The following CPEB3 variants were observed in gnomAD, a reference collection of about 807,000 sequenced individuals.
The protein encoded by CPEB3 is cytoplasmic polyadenylation element binding protein 3.
CPEB3 carries 20 observed loss-of-function variants against 67.2 expected under a neutral mutation model. The ratio of observed to expected loss-of-function variants is 0.30; its 90% CI spans 0.21 to 0.43. The LOEUF (loss-of-function observed/expected upper bound fraction) is 0.43, where lower values mean the gene tolerates loss of function less well. CPEB3 is among the 20% of genes least tolerant of loss of function. CPEB3 has a pLI of 1.00. For missense variants in CPEB3, 746 were observed against 968.6 expected (o/e 0.77, Z 3.05); for synonymous variants, 376 against 393.1 (o/e 0.96, Z 0.51).
chr10:92,239,894 G>C lies in CPEB3; in HGVS notation c.457C>G (p.Pro153Ala). Residue 153 changes from proline (P) to alanine (A), a missense_variant, in exon 2 of 10, where the codon CCG becomes GCG. Physicochemically the swap from Pro to Ala is conservative, Grantham distance 27. Coordinates refer to ENST00000265997, the MANE Select transcript of CPEB3 (RefSeq NM_014912.5). The surrounding 1 kb of genome is among the most constrained non-coding windows in gnomAD (Gnocchi z 6.0). ...TGGGTCTGCGCCAGGCCGATCTGCG[G>C]GGAGAAAGTGCCTCCGAAGACTGGG... ...VNPVFGGTFS[P>A]QIGLAQTQHH... 1.9e-6 allele frequency: 3 copies of C among 1,612,596 alleles called. No individual in the cohort carries two copies. The highest frequency in any genetic ancestry group is 2.5e-6 in the Non-Finnish European group (3 of 1,179,326).
intron 8 of CPEB3, among the ~76,000 whole-genome samples, chr10:92,082,464 G>C (rs1004381637): frequency 1.3e-5 from 2 of 152,072 alleles, no homozygotes; most frequent in African/African-American, 4.8e-5. Context: ...ATTTTTAGTA[G>C]AGATGGGGTT....
Position 92,286,880 on chromosome 10 carries a change from CAT to C in CPEB3, c.-12+4044_-12+4045del, listed in dbSNP as rs1168045146. Among the ~76,000 whole-genome samples the C allele has an allele frequency of 2.6e-5, 4 of 152,184 alleles. No individual in the cohort carries two copies. The East Asian group carries it at 7.7e-4, about 29-fold the overall frequency. On this transcript the variant is annotated intron_variant, in intron 1 of 9. Coordinates refer to ENST00000265997, the MANE Select transcript of CPEB3 (RefSeq NM_014912.5). ...TGGTATATTATTTTAAATTTTCTGA[CAT>C]ATTTAGAGCAGCTCATACTCAGTTA...
At chr10:92,088,993 ACTGT>A (rs757687075) in intron 8 of CPEB3, among the ~76,000 whole-genome samples, 39 of 152,148 alleles carry the variant, frequency 2.6e-4, no homozygotes, top group Admixed American at 3.9e-4. Flanking sequence ...AAATCTTTTG[ACTGT>A]CTGTAAATGA....
Position 92,192,459 on chromosome 10 carries a change from C to T in CPEB3, c.1165+18G>A, listed in dbSNP as rs1849024570. 2 of 1,590,814 alleles carry T rather than the reference C, an allele frequency of 1.3e-6. No homozygotes were observed. Among genetic ancestry groups the T allele is most frequent in the African/African-American group, 1.3e-5 (1 of 74,158 alleles). On this transcript the variant is annotated intron_variant, in intron 3 of 9. Coordinates refer to ENST00000265997, the MANE Select transcript of CPEB3 (RefSeq NM_014912.5). Reference sequence around the variant, plus strand: ...CTTAAAACACCAAGCAAGAAATGGACATATGAATATTCCTAACCTGCAAAA... The same window carrying T: ...CTTAAAACACCAAGCAAGAAATGGATATATGAATATTCCTAACCTGCAAAA...
In CPEB3 at chr10:92,124,572, CCAAA is replaced by C. The variant is rs376682780; in HGVS notation, c.1454-13382_1454-13379del. On this transcript the variant is annotated intron_variant, in intron 6 of 9. Transcript: ENST00000265997. ...ATTAAAATATAGGGTTCATAAATCA[CCAAA>C]CAGTGTGAGCACTATAAGCCAGGAC... Among the ~76,000 whole-genome samples the C allele has an allele frequency of 2.9e-3, 438 of 152,000 alleles. 2 individuals are homozygous for C. The highest frequency in any genetic ancestry group is 9.8e-3 in the African/African-American group (406 of 41,492).
chr10:92,106,014 T>C (rs1844431103), intron 7 of CPEB3, among the ~76,000 whole-genome samples: 1 of 152,198 alleles, frequency 6.6e-6, no homozygotes, highest in Middle Eastern at 3.4e-3. Context: ...TGCCTCAACA[T>C]CCCGAGTAGC....
At position 92,159,913 on chromosome 10, in the gene CPEB3, C is replaced by T. The variant is rs185967687; in HGVS notation, c.1223-14828G>A. 4.1e-4 allele frequency among the ~76,000 whole-genome samples: 63 copies of T among 151,864 alleles called. 2 individuals carry two copies. The East Asian group carries it at 9.7e-3, about 23-fold the overall frequency. ...CAAGCTCTATTTTTTTCCCTGATTC[C>T]TCCTGTACTACAAACCTCAATGAAA... On this transcript the variant is annotated intron_variant, in intron 4 of 9. Transcript: ENST00000265997.
intron 6 of CPEB3, among the ~76,000 whole-genome samples, chr10:92,122,345 G>A (rs1021144268): frequency 2.6e-5 from 4 of 152,332 alleles, no homozygotes; most frequent in Admixed American, 6.5e-5. Context: ...CTTGGACAAC[G>A]GTGAGCAGAG....
At chr10:92,203,400 G>A (rs867520738) in intron 2 of CPEB3, among the ~76,000 whole-genome samples, 1 of 139,710 alleles carries the variant, frequency 7.2e-6, no homozygotes, top group Non-Finnish European at 1.5e-5. Context: ...ATATATATAC[G>A]TATATATATG....
chr10:92,097,432 T>C (rs545538692), intron 7 of CPEB3, among the ~76,000 whole-genome samples: 1 of 152,344 alleles, frequency 6.6e-6, no homozygotes, highest in South Asian at 2.1e-4. Context: ...CATTTTTCTT[T>C]AGTTTCTCTC....
At chr10:92,107,935 A>G (rs2133452559) in intron 7 of CPEB3, among the ~76,000 whole-genome samples, 1 of 152,314 alleles carries the variant, frequency 6.6e-6, no homozygotes, top group Admixed American at 6.5e-5. Flanking sequence ...CACAACCTGA[A>G]ATCCACAAAT....
chr10:92,059,848 T>C (rs1446418585), intron 9 of CPEB3, among the ~76,000 whole-genome samples: 1 of 149,700 alleles, frequency 6.7e-6, no homozygotes, highest in Non-Finnish European at 1.5e-5. Context: ...TCCCAGCTAC[T>C]GGGGAGTCTG....
At chr10:92,204,036 C>G (rs1849663006) in intron 2 of CPEB3, among the ~76,000 whole-genome samples, 1 of 151,940 alleles carries the variant, frequency 6.6e-6, no homozygotes, top group Admixed American at 6.6e-5. Flanking sequence ...TTTTTTTAAT[C>G]CCATGGATTC....
At chr10:92,192,217 C>T (rs112487141) in intron 3 of CPEB3, among the ~76,000 whole-genome samples, 3 of 152,148 alleles carry the variant, frequency 2.0e-5, no homozygotes, top group African/African-American at 4.8e-5. Flanking sequence ...GCTGGTCTCA[C>T]GCTATTAACT....
At chr10:92,120,914 T>C (rs1845337773) in intron 6 of CPEB3, among the ~76,000 whole-genome samples, 7 of 152,034 alleles carry the variant, frequency 4.6e-5, no homozygotes, top group Admixed American at 4.6e-4. Context: ...TTGGCCAGAC[T>C]GGTCTCAAAC....
chr10:92,221,303 G>A (rs556733662), intron 2 of CPEB3, among the ~76,000 whole-genome samples: 1 of 152,136 alleles, frequency 6.6e-6, no homozygotes, highest in Non-Finnish European at 1.5e-5. Flanking sequence ...GACCACCCTG[G>A]ACAATATGAT....
At chr10:92,271,146 G>A (rs187130404) in intron 1 of CPEB3, among the ~76,000 whole-genome samples, 68 of 152,228 alleles carry the variant, frequency 4.5e-4, no homozygotes, top group Admixed American at 2.2e-3. Flanking sequence ...TCGCACCACC[G>A]CATTCCAGCC....
intron 2 of CPEB3, among the ~76,000 whole-genome samples, chr10:92,195,121 CAA>C (rs1399875015): frequency 6.6e-6 from 1 of 150,942 alleles, no homozygotes; most frequent in Non-Finnish European, 1.5e-5. Flanking sequence ...AAGAACAGAT[CAA>C]GTTTGCTTTG....
intron 8 of CPEB3, 71 bp downstream of exon 8, chr10:92,091,759 T>C: frequency 1.1e-6 from 1 of 908,788 alleles, no homozygotes; most frequent in Non-Finnish European, 1.7e-6. Flanking sequence ...CTAGAAAATA[T>C]TTAAGACTAA....
Sources: allele counts gnomAD v4.1 joint callset (sites outside exome capture counted in the v4.1 genomes callset), GRCh38; gene constraint gnomAD v4.1.1; non-coding constraint Gnocchi (gnomAD v3.1); transcripts MANE v1.5; gene names NCBI Gene and HGNC (gene_info 2026-07-23, HGNC 2026-07-21).